ZMAT4: variants seen among roughly 807,000 people sequenced by gnomAD.
ZMAT4 encodes the protein zinc finger matrin-type protein 4.
Under a neutral mutation model 28.7 loss-of-function variants are expected in ZMAT4, and 17 were observed. The observed-to-expected ratio is 0.59, with a 90% CI of 0.41 to 0.89. ZMAT4 has a LOEUF of 0.89. Ranked by LOEUF, ZMAT4 falls within the 40% of genes least tolerant of loss-of-function variation. The pLI is 0.00. For synonymous variants in ZMAT4, 117 were observed against 109.2 expected, an observed-to-expected ratio of 1.07 and a Z score of -0.44; for missense variants, 240 against 283.8, an observed-to-expected ratio of 0.85 and a Z score of 1.11.
At chr8:40,727,027 T>TCAAGTA (rs1351026022) in intron 3 of ZMAT4, among the ~76,000 whole-genome samples, 1 of 151,908 alleles carries the variant, frequency 6.6e-6, no homozygotes, top group Non-Finnish European at 1.5e-5. Context: ...AAGGATACTT[T>TCAAGTA]CAAGTACAAG....
In ZMAT4 at chr8:40,545,862, T is replaced by A. The variant is rs375545019; in HGVS notation, c.675-13624A>T. 6.0e-5 allele frequency among the ~76,000 whole-genome samples: 9 copies of A among 148,956 alleles called. No homozygotes were observed. In the East Asian group the frequency reaches 1.8e-3, roughly 29 times the overall value. Reference sequence around the variant, plus strand: ...TCAATAAAAAGGAAGAAAGGTGTGATACCAAGCAGGAAAAAAGTAACCAAG... The same window carrying A: ...TCAATAAAAAGGAAGAAAGGTGTGAAACCAAGCAGGAAAAAAGTAACCAAG... On this transcript the variant is annotated intron_variant, in intron 6 of 6. Coordinates refer to ENST00000297737, the MANE Select transcript of ZMAT4 (RefSeq NM_024645.3).
At chr8:40,832,622 A>AAGGCAG (rs1311212396) in intron 1 of ZMAT4, among the ~76,000 whole-genome samples, 9 of 152,150 alleles carry the variant, frequency 5.9e-5, no homozygotes, top group Admixed American at 5.9e-4. Context: ...CCCAGAACCC[A>AAGGCAG]AGGCAGAGAG....
chr8:40,702,911 C>G (rs530092568), intron 3 of ZMAT4, among the ~76,000 whole-genome samples: 2 of 151,888 alleles, frequency 1.3e-5, no homozygotes, highest in African/African-American at 4.8e-5. Context: ...AGTAATGGAG[C>G]GATGGAAAAC....
chr8:40,581,536 T>C (rs111669027), intron 5 of ZMAT4, among the ~76,000 whole-genome samples: 4 of 152,338 alleles, frequency 2.6e-5, no homozygotes, highest in African/African-American at 9.6e-5. Flanking sequence ...GGGCATTTTA[T>C]ACTCAAACAG....
chr8:40,759,366 C>T (rs1183752325), intron 3 of ZMAT4, among the ~76,000 whole-genome samples: 10 of 151,600 alleles, frequency 6.6e-5, no homozygotes, highest in Middle Eastern at 3.4e-3. Flanking sequence ...ATCCCCAGTG[C>T]GATCATATGT....
At chr8:40,811,269 T>C (rs951744177) in intron 2 of ZMAT4, among the ~76,000 whole-genome samples, 3 of 152,170 alleles carry the variant, frequency 2.0e-5, no homozygotes, top group Non-Finnish European at 4.4e-5. Context: ...AGAAGCCTGG[T>C]CTTGGGTGGT....
At chr8:40,786,556 G>A in intron 2 of ZMAT4, 1 of 516,350 alleles carries the variant, frequency 1.9e-6, no homozygotes, top group Non-Finnish European at 3.0e-6. Context: ...TATTTTGGTT[G>A]AGTTATTGCT....
rs529655369 is a variant in ZMAT4 at position 40,735,203 on chromosome 8, G to A, written c.192+32438C>T. 4.6e-5 allele frequency among the ~76,000 whole-genome samples: 7 copies of A among 152,264 alleles called. No homozygotes were observed. In the South Asian group the frequency reaches 1.5e-3, roughly 32 times the overall value. On this transcript the variant is annotated intron_variant, in intron 3 of 6. Coordinates refer to ENST00000297737, the MANE Select transcript of ZMAT4 (RefSeq NM_024645.3). Reference sequence around the variant, plus strand: ...GAAGCAATAAGGAGGAATCTTTGGTGGTAATACATCTGCAAAGTAAGACAT... The same window carrying A: ...GAAGCAATAAGGAGGAATCTTTGGTAGTAATACATCTGCAAAGTAAGACAT...
intron 5 of ZMAT4, among the ~76,000 whole-genome samples, chr8:40,622,336 C>T (rs1431993518): frequency 6.6e-6 from 1 of 152,158 alleles, no homozygotes; most frequent in Non-Finnish European, 1.5e-5. Context: ...AAGACCCTTG[C>T]CCCAAATGCC....
chr8:40,699,847 C>T (rs1312682550), intron 3 of ZMAT4, among the ~76,000 whole-genome samples: 1 of 152,236 alleles, frequency 6.6e-6, no homozygotes, highest in East Asian at 1.9e-4. Context: ...TGTGCATTCT[C>T]TTTAGAATCT....
intron 5 of ZMAT4, among the ~76,000 whole-genome samples, chr8:40,592,078 G>T (rs748948352): frequency 3.3e-5 from 5 of 152,110 alleles, no homozygotes; most frequent in Admixed American, 6.5e-5. Flanking sequence ...AATAGATGAA[G>T]CATGGCTGCT....
chr8:40,552,859 C>A (rs1187364301), intron 6 of ZMAT4, among the ~76,000 whole-genome samples: 2 of 152,164 alleles, frequency 1.3e-5, no homozygotes, highest in Non-Finnish European at 2.9e-5. Flanking sequence ...CTTCACCCCA[C>A]CTCCCGTCGC....
rs1002245355 is a variant in ZMAT4, at chr8:40,879,556, C to T, written c.-5+18127G>A. 6.6e-5 allele frequency among the ~76,000 whole-genome samples: 10 copies of T among 152,186 alleles called. No individual in the cohort carries two copies. The East Asian group carries it at 7.7e-4, about 12-fold the overall frequency. ...GGCTTCTAGGAAATCCATGCCAGGA[C>T]GGATCCATAGTAAAACACTCACTTC... On this transcript the variant is annotated intron_variant, in intron 1 of 6. Coordinates refer to ENST00000297737, the MANE Select transcript of ZMAT4 (RefSeq NM_024645.3).
chr8:40,864,015 T>G (rs536407806), intron 1 of ZMAT4, among the ~76,000 whole-genome samples: 1 of 152,226 alleles, frequency 6.6e-6, no homozygotes, highest in Non-Finnish European at 1.5e-5. Context: ...GTGTCCAACA[T>G]AGGGAAGGTA....
At chr8:40,882,617 C>T (rs1277975005) in intron 1 of ZMAT4, among the ~76,000 whole-genome samples, 2 of 152,174 alleles carry the variant, frequency 1.3e-5, no homozygotes, top group African/African-American at 4.8e-5. Context: ...ACCACCACCA[C>T]CAGCAGCGGC....
rs905823700 is a variant in ZMAT4, at chr8:40,581,376, C to T, written c.578-115G>A. On this transcript the variant is annotated intron_variant, in intron 5 of 6. Transcript: ENST00000297737. Reference sequence around the variant, plus strand: ...TGTCGGAGATAACTCCTGATCTACCCCACCAACACTTCAACCCTTCCTTGC... The same window carrying T: ...TGTCGGAGATAACTCCTGATCTACCTCACCAACACTTCAACCCTTCCTTGC... The T allele has an allele frequency of 8.0e-6, 6 of 754,316 alleles. No individual in the cohort carries two copies. The African/African-American group carries it at 8.5e-5, about 11-fold the overall frequency. 46.7% of individuals were successfully genotyped at this position (754,316 alleles called of 1,614,324 possible). A position where few individuals can be genotyped will look rare whatever the true frequency, so the allele number is the denominator to read the frequency against.
intron 6 of ZMAT4, among the ~76,000 whole-genome samples, chr8:40,553,492 A>T (rs564712682): frequency 5.3e-5 from 8 of 152,158 alleles, no homozygotes; most frequent in South Asian, 2.1e-4. Context: ...TGCCAAAAAA[A>T]TTTTTCAACA....
rs551678344 is a variant in ZMAT4, at chr8:40,704,118, C to T, written c.193-6717G>A. 8.7e-4 allele frequency among the ~76,000 whole-genome samples: 132 copies of T among 152,360 alleles called. 1 individual carries two copies. The highest frequency in any genetic ancestry group is 3.0e-3 in the African/African-American group (124 of 41,588). On this transcript the variant is annotated intron_variant, in intron 3 of 6. Coordinates refer to ENST00000297737, the MANE Select transcript of ZMAT4 (RefSeq NM_024645.3). Reference sequence around the variant, plus strand: ...GCTAGACGCAGAAATAACTGCACCTCTCAGCACATACCCTGTAGTAAGATA... The same window carrying T: ...GCTAGACGCAGAAATAACTGCACCTTTCAGCACATACCCTGTAGTAAGATA...
At chr8:40,655,134 C>A (rs2118834560) in intron 5 of ZMAT4, among the ~76,000 whole-genome samples, 1 of 151,396 alleles carries the variant, frequency 6.6e-6, no homozygotes, top group South Asian at 2.1e-4. Context: ...TTGCAAGATA[C>A]AAGATTTATA....
Sources: gnomAD v4.1 joint callset for allele counts (sites outside exome capture counted in the v4.1 genomes callset) on GRCh38, gnomAD v4.1.1 for gene constraint, MANE v1.5 for transcripts, NCBI Gene and HGNC (gene_info 2026-07-23, HGNC 2026-07-21) for gene names.